The following SMU1 variants were observed in gnomAD, a reference collection of about 807,000 sequenced individuals.
SMU1 encodes WD40 repeat-containing protein SMU1.
In SMU1, 2 loss-of-function variants were observed where a neutral mutation model predicts 62.0. The ratio of observed to expected loss-of-function variants is 0.03; its 90% CI spans 0.01 to 0.10. The LOEUF is 0.10. SMU1 is among the 10% of genes least tolerant of loss of function. SMU1 has a pLI of 1.00. For synonymous variants in SMU1, 188 were observed against 212.4 expected (o/e 0.89, Z 1.00); for missense variants, 227 against 622.1 (o/e 0.36, Z 6.76).
At chr9:33,064,470 C>A (rs986127979) in intron 4 of SMU1, among the ~76,000 whole-genome samples, 1 of 152,110 alleles carries the variant, frequency 6.6e-6, no homozygotes, top group Non-Finnish European at 1.5e-5. Context: ...ACCTCTCCCC[C>A]GCAATTCTAA....
rs561641119 is a variant in SMU1, at chr9:33,046,128, C to A, written c.*1165G>T. On this transcript the variant is annotated 3_prime_UTR_variant, in exon 12 of 12. Coordinates refer to ENST00000397149, the MANE Select transcript of SMU1 (RefSeq NM_018225.3). ...CTTTTACATGTTTTTCTTTAGATAA[C>A]TGGTAATGATGCACATTACAAAGGA... 1 of 152,296 alleles carries A rather than the reference C, an allele frequency of 6.6e-6. No individual in the cohort carries two copies. The highest frequency in any genetic ancestry group is 2.1e-4 in the South Asian group (1 of 4,826). 9.4% of individuals were successfully genotyped at this position (152,296 alleles called of 1,614,324 possible).
At chr9:33,054,937 G>A (rs1005354280) in intron 9 of SMU1, among the ~76,000 whole-genome samples, 2 of 152,124 alleles carry the variant, frequency 1.3e-5, no homozygotes, top group African/African-American at 2.4e-5. Flanking sequence ...AACTAAGGGG[G>A]AAAGACCACA....
intron 10 of SMU1, among the ~76,000 whole-genome samples, chr9:33,049,233 A>G (rs763806672): frequency 1.3e-5 from 2 of 152,258 alleles, no homozygotes; most frequent in Non-Finnish European, 2.9e-5. Context: ...CTACTAATCT[A>G]CAGTAATGAA....
chr9:33,048,493 G>A (rs956813991), intron 10 of SMU1, among the ~76,000 whole-genome samples: 6 of 152,066 alleles, frequency 3.9e-5, no homozygotes, highest in South Asian at 2.1e-4. Flanking sequence ...TACATCCCAC[G>A]TCACCAATCA....
chr9:33,059,437 GAA>G (rs796953065), intron 6 of SMU1, among the ~76,000 whole-genome samples: 1 of 149,252 alleles, frequency 6.7e-6, no homozygotes, highest in African/African-American at 2.5e-5. Flanking sequence ...ATAACCCCTT[GAA>G]AAAAAAATTT....
At chr9:33,057,344 C>A (rs1839314319) in intron 7 of SMU1, among the ~76,000 whole-genome samples, 1 of 151,988 alleles carries the variant, frequency 6.6e-6, no homozygotes. Context: ...CAGGGTGGTA[C>A]AATAGAAAGG....
rs1005784490 is a variant in SMU1, at chr9:33,042,437, T to C, written c.*4856A>G. 3 of 152,602 alleles carry C rather than the reference T, an allele frequency of 2.0e-5. No homozygotes were observed. Among genetic ancestry groups the C allele is most frequent in the African/African-American group, 7.2e-5 (3 of 41,468 alleles). 9.5% of individuals were successfully genotyped at this position (152,602 alleles called of 1,614,324 possible). On this transcript the variant is annotated 3_prime_UTR_variant, in exon 12 of 12. Transcript: ENST00000397149. ...AAAATACAAGTTCCAGCACTAACTC[T>C]GCTTTCTCTGTGATGCTTCTCCTGC... is the stretch of plus-strand genomic sequence containing the variant.
intron 7 of SMU1, 122 bp from the exon 8 acceptor site, chr9:33,057,086 G>A (rs1267228464): frequency 1.4e-5 from 13 of 936,532 alleles, no homozygotes; most frequent in Admixed American, 2.5e-5. Flanking sequence ...AAAAATGCAC[G>A]CTAATAGCTG....
rs1285286900 is a variant in SMU1, at chr9:33,060,592, A to C, written c.631-8T>G. 6.2e-7 allele frequency: 1 copy of C among 1,604,608 alleles called. No individual in the cohort carries two copies. Among genetic ancestry groups the C allele is most frequent in the African/African-American group, 1.3e-5 (1 of 74,404 alleles). Reference sequence around the variant, plus strand: ...ATGTGATTTCTGACCAAACTGTTTCAAATGAAACAATGAAACAGATGCATT... The same window carrying C: ...ATGTGATTTCTGACCAAACTGTTTCCAATGAAACAATGAAACAGATGCATT... On this transcript the variant is annotated splice_polypyrimidine_tract_variant and splice_region_variant and intron_variant, in intron 5 of 11. Transcript: ENST00000397149.
rs1839156417 is a variant in SMU1, at chr9:33,044,160, C to T, written c.*3133G>A. On this transcript the variant is annotated 3_prime_UTR_variant, in exon 12 of 12. Transcript: ENST00000397149. ...TTCTATGTTAAGTGCTAGAGAGCAG[C>T]ATCCGTTAAATCTGGTGGCTGCAGC... 6.6e-6 allele frequency: 1 copy of T among 152,282 alleles called. No individual in the cohort carries two copies. The highest frequency in any genetic ancestry group is 2.4e-5 in the African/African-American group (1 of 41,430). The allele number at this position is 152,282 out of a possible 1,614,324, so 9.4% of individuals were successfully genotyped here.
intron 1 of SMU1, among the ~76,000 whole-genome samples, chr9:33,075,945 A>C (rs1564026488): frequency 1.3e-5 from 2 of 152,202 alleles, no homozygotes; most frequent in Admixed American, 6.5e-5. Flanking sequence ...GTCTCTCCCC[A>C]GACAACCCAA....
At chr9:33,055,953 C>A (rs1022095523) in intron 9 of SMU1, among the ~76,000 whole-genome samples, 160 bp downstream of exon 9, 1 of 152,210 alleles carries the variant, frequency 6.6e-6, no homozygotes, top group African/African-American at 2.4e-5. Context: ...GAATTACCCA[C>A]AGAATACTGT....
At chr9:33,062,811 A>G (rs912718674) in intron 4 of SMU1, among the ~76,000 whole-genome samples, 1 of 152,186 alleles carries the variant, frequency 6.6e-6, no homozygotes, top group Non-Finnish European at 1.5e-5. Context: ...CTCCTAGGGT[A>G]TATTCCTGGA....
intron 2 of SMU1, among the ~76,000 whole-genome samples, chr9:33,072,435 G>A (rs946831644): frequency 6.6e-6 from 1 of 152,162 alleles, no homozygotes; most frequent in Admixed American, 6.5e-5. Flanking sequence ...GAATGTAGAT[G>A]CCAAAGAAAG....
At chr9:33,062,873 T>C (rs1228485167) in intron 4 of SMU1, among the ~76,000 whole-genome samples, 1 of 152,186 alleles carries the variant, frequency 6.6e-6, no homozygotes, top group Admixed American at 6.5e-5. Context: ...GCTCTTGATA[T>C]ATTTGATATA....
At chr9:33,057,795 G>A in intron 6 of SMU1, 81 bp from the exon 7 acceptor site, 2 of 1,573,200 alleles carry the variant, frequency 1.3e-6, no homozygotes, top group Admixed American at 1.7e-5. Context: ...AAAACCAGGG[G>A]CAATGGATTG....
At chr9:33,048,930 CAATA>C (rs1276516519) in intron 10 of SMU1, among the ~76,000 whole-genome samples, 13 of 152,068 alleles carry the variant, frequency 8.5e-5, no homozygotes, top group African/African-American at 2.7e-4. Context: ...AAAATACATA[CAATA>C]TTTAAATGAG....
At chr9:33,047,494 C>T (rs764978209) in intron 11 of SMU1, 103 bp from the exon 12 acceptor site, 16 of 765,100 alleles carry the variant, frequency 2.1e-5, no homozygotes, top group Non-Finnish European at 3.1e-5. Flanking sequence ...TCTTGGGAGG[C>T]CACATATTCC....
At chr9:33,064,696 C>G (rs569236217) in intron 4 of SMU1, among the ~76,000 whole-genome samples, 1 of 151,596 alleles carries the variant, frequency 6.6e-6, no homozygotes, top group South Asian at 2.1e-4. Context: ...CTAGTATGCT[C>G]TCAACATTCT....
Sources: gnomAD v4.1 joint callset for allele counts (sites outside exome capture counted in the v4.1 genomes callset) on GRCh38, gnomAD v4.1.1 for gene constraint, MANE v1.5 for transcripts, NCBI Gene and HGNC (gene_info 2026-07-23, HGNC 2026-07-21) for gene names.